Variants in COL13A1 observed in about 807,000 individuals in gnomAD.
COL13A1 encodes the protein collagen type XIII alpha 1 chain.
Under a neutral mutation model 130.9 loss-of-function variants are expected in COL13A1, and 89 were observed. The observed-to-expected ratio is 0.68, with a 90% CI of 0.57 to 0.81. COL13A1 has a LOEUF of 0.81. Ranked by LOEUF, COL13A1 falls within the 30% of genes least tolerant of loss-of-function variation. The probability of loss-of-function intolerance (pLI) is 0.00; values close to 1 mark genes in which losing one functional copy is unlikely to be tolerated. For synonymous variants in COL13A1, 402 were observed against 341.6 expected, an observed-to-expected ratio of 1.18 and a Z score of -1.95; for missense variants, 879 against 934.6, an observed-to-expected ratio of 0.94 and a Z score of 0.78.
At chr10:69,859,804 T>C (rs1857466315) in intron 2 of COL13A1, among the ~76,000 whole-genome samples, 1 of 152,348 alleles carries the variant, frequency 6.6e-6, no homozygotes, top group Admixed American at 6.5e-5. Context: ...AGTTTGGGAA[T>C]TCTGTGCGAG....
chr10:69,901,790 C>T (rs991550408), intron 14 of COL13A1, among the ~76,000 whole-genome samples: 1 of 152,210 alleles, frequency 6.6e-6, no homozygotes, highest in African/African-American at 2.4e-5. Flanking sequence ...TCTCCTCCTC[C>T]AGGGGGAGCA....
intron 2 of COL13A1, among the ~76,000 whole-genome samples, chr10:69,865,581 C>CCCTTCTAGG (rs1271737800): frequency 1.3e-5 from 2 of 152,194 alleles, no homozygotes; most frequent in Non-Finnish European, 2.9e-5. Context: ...ATAGCTCTTC[C>CCCTTCTAGG]CCTTCTATGG....
intron 17 of COL13A1, among the ~76,000 whole-genome samples, chr10:69,906,187 G>A (rs936316978): frequency 4.6e-5 from 7 of 152,250 alleles, no homozygotes; most frequent in African/African-American, 1.7e-4. Flanking sequence ...TTCAGGTTGA[G>A]AGAAGTTTGG....
At chr10:69,921,999 C>G in intron 22 of COL13A1, 64 bp downstream of exon 22, 1 of 1,525,658 alleles carries the variant, frequency 6.6e-7, no homozygotes, top group Non-Finnish European at 8.9e-7. Flanking sequence ...CCTGGCCCTG[C>G]ACATCCACAC....
intron 36 of COL13A1, among the ~76,000 whole-genome samples, chr10:69,944,835 A>C (rs2068231496): frequency 6.6e-6 from 1 of 152,210 alleles, no homozygotes; most frequent in Non-Finnish European, 1.5e-5. Context: ...GGACATGCCT[A>C]AACTTTGTAA....
chr10:69,927,195 C>A, intron 27 of COL13A1, 85 bp downstream of exon 27: 3 of 1,590,342 alleles, frequency 1.9e-6, no homozygotes, highest in South Asian at 1.1e-5. Flanking sequence ...TTGATTTCTC[C>A]CCTCCAGAAA....
At position 69,952,932 on chromosome 10, in the gene COL13A1, C is replaced by A. The variant is rs2069876808; in HGVS notation, c.2109C>A (p.Asp703Glu). The change falls in exon 39 of 41, where the codon GAC becomes GAA. Residue 703 changes from aspartate (D) to glutamate (E), a missense_variant. Physicochemically the swap from Asp to Glu is conservative, Grantham distance 45. Transcript: ENST00000645393. ...GAGGGCCTAAAGGGGATAAGGGAGA[C>A]CAAGGAGCGCCTGGATTAGATGCCC... The part of the protein sequence containing the change: ...GSRGPKGDKG[D>E]QGAPGLDAPC... 1 of 1,556,428 alleles carries A rather than the reference C, an allele frequency of 6.4e-7. No individual in the cohort carries two copies. Among genetic ancestry groups the A allele is most frequent in the East Asian group, 2.5e-5 (1 of 40,736 alleles).
chr10:69,838,869 T>A (rs1850821385), intron 2 of COL13A1, among the ~76,000 whole-genome samples: 1 of 152,234 alleles, frequency 6.6e-6, no homozygotes, highest in African/African-American at 2.4e-5. Flanking sequence ...TTTTGTAAAA[T>A]GAGCCTGAGA....
intron 1 of COL13A1, among the ~76,000 whole-genome samples, chr10:69,820,045 C>A (rs149291495): frequency 3.3e-5 from 5 of 152,342 alleles, no homozygotes; most frequent in African/African-American, 9.6e-5. Flanking sequence ...CATTTTCTTA[C>A]CTTCCTCTGG....
At chr10:69,908,424 C>T (rs897608292) in intron 17 of COL13A1, among the ~76,000 whole-genome samples, 4 of 152,284 alleles carry the variant, frequency 2.6e-5, no homozygotes, top group East Asian at 1.9e-4. Flanking sequence ...TGGTGCAACG[C>T]GGGATCAGTT....
rs200218033 is a variant in COL13A1 at position 69,864,628 on chromosome 10, GT to G, written c.365-3167del. 6.2e-3 allele frequency among the ~76,000 whole-genome samples: 937 copies of G among 152,322 alleles called. 11 individuals are homozygous for G. The highest frequency in any genetic ancestry group is 0.022 in the African/African-American group (897 of 41,570). On this transcript the variant is annotated intron_variant, in intron 2 of 40. Coordinates refer to ENST00000645393, the MANE Select transcript of COL13A1 (RefSeq NM_001368882.1). ...ACTCACACAGTAGGCATTGTTAAGT[GT>G]TTGTTGAATGAACGAACATACAAAA...
At chr10:69,889,279 G>A (rs2060917495) in intron 9 of COL13A1, 135 bp from the exon 10 acceptor site, 5 of 1,137,530 alleles carry the variant, frequency 4.4e-6, no homozygotes, top group Non-Finnish European at 5.1e-6. Context: ...AGAAGGTGCA[G>A]ATGGAGCACA....
intron 2 of COL13A1, among the ~76,000 whole-genome samples, chr10:69,856,824 T>C (rs1479943476): frequency 1.3e-5 from 2 of 152,112 alleles, no homozygotes; most frequent in Non-Finnish European, 2.9e-5. Flanking sequence ...TGTGGGAGGA[T>C]CTCACTGTTT....
chr10:69,952,669 C>T (rs1011595095), intron 38 of COL13A1, among the ~76,000 whole-genome samples: 1 of 152,192 alleles, frequency 6.6e-6, no homozygotes, highest in Non-Finnish European at 1.5e-5. Context: ...GTCCTCCCCT[C>T]CCCCTCCCAC....
Position 69,925,135 on chromosome 10 carries a change from A to T in COL13A1, c.1329+128A>T. On this transcript the variant is annotated intron_variant, in intron 25 of 40. Coordinates refer to ENST00000645393, the MANE Select transcript of COL13A1 (RefSeq NM_001368882.1). Reference sequence around the variant, plus strand: ...GGTTAAGGGCACGTGCCCAAGAGACAGGTCTGTGCCTTTTGCCAAAGATGA... The same window carrying T: ...GGTTAAGGGCACGTGCCCAAGAGACTGGTCTGTGCCTTTTGCCAAAGATGA... 3.3e-6 allele frequency: 3 copies of T among 921,306 alleles called. No individual in the cohort carries two copies. In the East Asian group the frequency reaches 9.1e-5, roughly 28 times the overall value. 57.1% of individuals were successfully genotyped at this position (921,306 alleles called of 1,614,324 possible).
chr10:69,929,689 G>C (rs2065850785), intron 28 of COL13A1, among the ~76,000 whole-genome samples: 2 of 152,212 alleles, frequency 1.3e-5, no homozygotes, highest in Non-Finnish European at 1.5e-5. Context: ...TGCATTCAGG[G>C]GAGACAGGAA....
intron 3 of COL13A1, among the ~76,000 whole-genome samples, chr10:69,869,277 A>G (rs1463854121): frequency 6.6e-6 from 1 of 152,232 alleles, no homozygotes; most frequent in Non-Finnish European, 1.5e-5. Flanking sequence ...AGAAAGGCCC[A>G]GGTAGCTTTC....
intron 2 of COL13A1, among the ~76,000 whole-genome samples, chr10:69,847,227 C>T (rs60743528): frequency 0.039 from 5,905 of 152,220 alleles, 365 homozygotes; most frequent in African/African-American, 0.14. Flanking sequence ...AATTGAGGCT[C>T]AGAGAAGTGA....
chr10:69,888,948 A>G (rs2060878413), intron 9 of COL13A1, among the ~76,000 whole-genome samples: 1 of 152,136 alleles, frequency 6.6e-6, no homozygotes, highest in Admixed American at 6.5e-5. Flanking sequence ...GGTGGACGGA[A>G]TGCAGCCCCA....
Sources: gnomAD v4.1 joint callset for allele counts (sites outside exome capture counted in the v4.1 genomes callset) on GRCh38, gnomAD v4.1.1 for gene constraint, MANE v1.5 for transcripts, NCBI Gene and HGNC (gene_info 2026-07-23, HGNC 2026-07-21) for gene names.